The following SLC25A26 variants were observed in gnomAD, a reference collection of about 807,000 sequenced individuals.
SLC25A26 encodes solute carrier family 25 member 26.
In SLC25A26, 36 loss-of-function variants were observed where a neutral mutation model predicts 37.8. That is an observed-to-expected ratio of 0.95 (90% CI 0.73 to 1.26). SLC25A26 has a LOEUF of 1.26. Among genes scored for constraint, SLC25A26 ranks in the 50% most tolerant of loss-of-function variants. The probability of loss-of-function intolerance (pLI) is 0.00; values close to 1 mark genes in which losing one functional copy is unlikely to be tolerated. For synonymous variants in SLC25A26, 129 were observed against 122.5 expected, an observed-to-expected ratio of 1.05 and a Z score of -0.35; for missense variants, 390 against 331.1, an observed-to-expected ratio of 1.18 and a Z score of -1.38.
At chr3:66,147,085 TCCCCTC>T (rs2070127702) in intron 1 of SLC25A26, among the ~76,000 whole-genome samples, 1 of 3,626 alleles carries the variant, frequency 2.8e-4, no homozygotes, top group Non-Finnish European at 6.2e-4. Context: ...TTCCCTCCCC[TCCCCTC>T]CCCTCCCCTC....
chr3:66,374,163 TTTTG>T (rs1376406879), intron 9 of SLC25A26, among the ~76,000 whole-genome samples: 3 of 152,244 alleles, frequency 2.0e-5, no homozygotes, highest in Non-Finnish European at 2.9e-5. Flanking sequence ...TACAGGCATA[TTTTG>T]TTTAATTGCA....
At chr3:66,209,044 A>G (rs1193908292) in intron 1 of SLC25A26, among the ~76,000 whole-genome samples, 3,624 of 10,442 alleles carry the variant, frequency 0.35, 294 homozygotes, top group South Asian at 0.54. Context: ...AAAGGTGTAT[A>G]TATATATATA....
intron 1 of SLC25A26, among the ~76,000 whole-genome samples, chr3:66,189,444 CCT>C (rs1213011442): frequency 1.5e-4 from 23 of 151,948 alleles, no homozygotes; most frequent in Non-Finnish European, 2.9e-4. Context: ...TTAACCTCTC[CCT>C]GTCTGTGACC....
chr3:66,285,053 A>G (rs528389203), intron 5 of SLC25A26, among the ~76,000 whole-genome samples: 3 of 152,300 alleles, frequency 2.0e-5, no homozygotes, highest in African/African-American at 7.2e-5. Flanking sequence ...ACTTTTGCTG[A>G]GGAAGAGCCT....
chr3:66,182,729 T>G (rs1187123068), intron 1 of SLC25A26, among the ~76,000 whole-genome samples: 1,889 of 30,740 alleles, frequency 0.061, no homozygotes, highest in East Asian at 0.19. Context: ...GGGGGGGGGG[T>G]GGGGTATCAG....
intron 5 of SLC25A26, among the ~76,000 whole-genome samples, chr3:66,323,208 A>G (rs2075743713): frequency 1.3e-5 from 2 of 152,112 alleles, no homozygotes; most frequent in Admixed American, 6.5e-5. Flanking sequence ...GTGATGGAAG[A>G]GAGAGGGTTA....
intron 1 of SLC25A26, among the ~76,000 whole-genome samples, chr3:66,233,995 T>A (rs2072154547): frequency 6.6e-6 from 1 of 152,232 alleles, no homozygotes; most frequent in South Asian, 2.1e-4. Flanking sequence ...GCAGCATGTT[T>A]TTAAATAATC....
At position 66,356,781 on chromosome 3, in the gene SLC25A26, A is replaced by T. The variant is rs949148927; in HGVS notation, c.499-6079A>T. Among the ~76,000 whole-genome samples the T allele has an allele frequency of 4.6e-5, 7 of 152,196 alleles. No individual in the cohort carries two copies. In the East Asian group the frequency reaches 1.4e-3, roughly 29 times the overall value. On this transcript the variant is annotated intron_variant, in intron 6 of 9. Coordinates refer to ENST00000354883, the MANE Select transcript of SLC25A26 (RefSeq NM_001379210.1). ...GTAGCTGGGACTCAGGGGTGTGCCA[A>T]CACGTCTGGCTAATTTTTAAATTTT...
At chr3:66,214,223 T>A (rs2071327717) in intron 1 of SLC25A26, among the ~76,000 whole-genome samples, 2 of 152,078 alleles carry the variant, frequency 1.3e-5, no homozygotes, top group South Asian at 4.2e-4. Context: ...GCCTGGCAGC[T>A]ATCTTTCTAC....
rs139966819 is a variant in SLC25A26, at chr3:66,228,921, C to T, written c.34-7623C>T. Among the ~76,000 whole-genome samples the T allele has an allele frequency of 9.8e-4, 149 of 152,288 alleles. 1 individual carries two copies. Among genetic ancestry groups the T allele is most frequent in the African/African-American group, 3.5e-3 (146 of 41,564 alleles). ...CTGTTGAGTCAGTTCACTGGGGATT[C>T]TTGTCCAGAGAGCAGAATTTGAGAA... is the stretch of plus-strand genomic sequence containing the variant. On this transcript the variant is annotated intron_variant, in intron 1 of 9. Transcript: ENST00000354883.
chr3:66,299,892 G>T (rs879693981), intron 5 of SLC25A26, among the ~76,000 whole-genome samples: 9 of 152,096 alleles, frequency 5.9e-5, no homozygotes, highest in Admixed American at 3.3e-4. Flanking sequence ...CACATTTTAT[G>T]GGTGACATAT....
Position 66,371,282 on chromosome 3 carries a change from T to C in SLC25A26, c.707+680T>C, listed in dbSNP as rs892627310. 42 of 1,549,818 alleles carry C rather than the reference T, an allele frequency of 2.7e-5. No homozygotes were observed. In the Admixed American group the frequency reaches 5.7e-4, roughly 21 times the overall value. ...AGGGTCGGTCGGCAGCTGCCTGGAC[T>C]TCGGGCGTCTCAGCTGGCAGTGCCA... On this transcript the variant is annotated intron_variant, in intron 9 of 9. Coordinates refer to ENST00000354883, the MANE Select transcript of SLC25A26 (RefSeq NM_001379210.1).
intron 5 of SLC25A26, among the ~76,000 whole-genome samples, chr3:66,298,865 A>G (rs1390712546): frequency 6.6e-6 from 1 of 152,230 alleles, no homozygotes; most frequent in Non-Finnish European, 1.5e-5. Context: ...TTCATTTGGC[A>G]TAGGTTGTTT....
chr3:66,152,233 C>T (rs947787152), intron 1 of SLC25A26, among the ~76,000 whole-genome samples: 2 of 152,118 alleles, frequency 1.3e-5, no homozygotes, highest in South Asian at 4.1e-4. Flanking sequence ...AAACTGCTAC[C>T]ATGTGATTTT....
intron 5 of SLC25A26, among the ~76,000 whole-genome samples, chr3:66,297,837 A>G (rs1468483621): frequency 6.6e-6 from 1 of 152,266 alleles, no homozygotes; most frequent in East Asian, 1.9e-4. Flanking sequence ...AGACTAGATC[A>G]TCTTTGAGGG....
chr3:66,176,008 G>A (rs2070581096), intron 1 of SLC25A26, among the ~76,000 whole-genome samples: 1 of 144,856 alleles, frequency 6.9e-6, no homozygotes, highest in Non-Finnish European at 1.5e-5. Flanking sequence ...AGTAATGGTT[G>A]TTAAATTAAA....
chr3:66,201,807 C>A (rs973808446), intron 1 of SLC25A26, among the ~76,000 whole-genome samples: 6 of 152,152 alleles, frequency 3.9e-5, no homozygotes, highest in South Asian at 2.1e-4. Context: ...ATGACTATTT[C>A]TTTTGCAACC....
chr3:66,332,016 C>T (rs1281007716), intron 5 of SLC25A26, among the ~76,000 whole-genome samples: 1 of 152,074 alleles, frequency 6.6e-6, no homozygotes, highest in Non-Finnish European at 1.5e-5. Context: ...GCTGCATCCC[C>T]CGCCTCCCAG....
intron 1 of SLC25A26, among the ~76,000 whole-genome samples, chr3:66,160,385 A>C (rs527939982): frequency 6.6e-6 from 1 of 152,270 alleles, no homozygotes; most frequent in African/African-American, 2.4e-5. Flanking sequence ...AGTGGGTAAA[A>C]ATACTGCTTC....
Sources: allele counts gnomAD v4.1 joint callset (sites outside exome capture counted in the v4.1 genomes callset), GRCh38; gene constraint gnomAD v4.1.1; transcripts MANE v1.5; gene names NCBI Gene and HGNC (gene_info 2026-07-23, HGNC 2026-07-21).